CSMD1: variants seen among roughly 807,000 people sequenced by gnomAD.
CSMD1 encodes CUB and Sushi multiple domains 1.
CSMD1 carries 213 observed loss-of-function variants against 417.5 expected under a neutral mutation model. The ratio of observed to expected loss-of-function variants is 0.51; its 90% CI spans 0.46 to 0.57. The LOEUF (loss-of-function observed/expected upper bound fraction) is 0.57, where lower values mean the gene tolerates loss of function less well. Among genes scored for constraint, CSMD1 ranks in the 20% least tolerant of loss-of-function variants. The pLI, the probability that CSMD1 is intolerant of heterozygous loss-of-function variation, is 0.00. For synonymous variants in CSMD1, 2,862 were observed against 1,736.8 expected (o/e 1.65, Z -16.11); for missense variants, 6,923 against 4,529.7 (o/e 1.53, Z -15.17).
At chr8:3,509,367 A>G (rs1490740793) in intron 10 of CSMD1, among the ~76,000 whole-genome samples, 1 of 152,216 alleles carries the variant, frequency 6.6e-6, no homozygotes, top group African/African-American at 2.4e-5. Context: ...CAACTTTGTC[A>G]TAAGAAAAAA....
At chr8:3,079,304 A>G (rs936867537) in intron 49 of CSMD1, among the ~76,000 whole-genome samples, 1 of 152,190 alleles carries the variant, frequency 6.6e-6, no homozygotes. Flanking sequence ...AACCTATATA[A>G]AAGTGTGTGT....
At chr8:3,309,713 T>C (rs905992466) in intron 23 of CSMD1, among the ~76,000 whole-genome samples, 1 of 152,216 alleles carries the variant, frequency 6.6e-6, no homozygotes, top group African/African-American at 2.4e-5. Context: ...CAAAAAGAAA[T>C]TAAATTTTGA....
At chr8:4,708,727 C>A (rs550121268) in intron 1 of CSMD1, among the ~76,000 whole-genome samples, 2 of 151,874 alleles carry the variant, frequency 1.3e-5, no homozygotes, top group South Asian at 4.2e-4. Flanking sequence ...ATTGTGACCC[C>A]CTAAAGATTC....
chr8:3,676,492 G>C (rs975120896), intron 7 of CSMD1, among the ~76,000 whole-genome samples: 3 of 152,156 alleles, frequency 2.0e-5, no homozygotes, highest in African/African-American at 7.2e-5. Flanking sequence ...TTCATAAATT[G>C]CCTGAAAAAT....
At chr8:4,300,041 G>A (rs1230930186) in intron 3 of CSMD1, among the ~76,000 whole-genome samples, 1 of 152,200 alleles carries the variant, frequency 6.6e-6, no homozygotes, top group Non-Finnish European at 1.5e-5. Context: ...CACAAAGAGT[G>A]AGAGGAAGAA....
At chr8:3,656,671 T>C (rs1798126370) in intron 7 of CSMD1, among the ~76,000 whole-genome samples, 1 of 152,176 alleles carries the variant, frequency 6.6e-6, no homozygotes, top group South Asian at 2.1e-4. Context: ...CTCACGCCTG[T>C]AATCCCAGCA....
chr8:4,313,701 C>G (rs187325993), intron 3 of CSMD1, among the ~76,000 whole-genome samples: 85 of 152,102 alleles, frequency 5.6e-4, no homozygotes, highest in Non-Finnish European at 9.3e-4. Flanking sequence ...GACATTTACT[C>G]TAAGGTCATA....
At chr8:3,382,194 G>A (rs905416770) in intron 18 of CSMD1, among the ~76,000 whole-genome samples, 1 of 151,688 alleles carries the variant, frequency 6.6e-6, no homozygotes, top group Non-Finnish European at 1.5e-5. Flanking sequence ...GGGAGGCGGA[G>A]GTTTTAGTGA....
At chr8:3,695,123 G>A (rs983767028) in intron 7 of CSMD1, among the ~76,000 whole-genome samples, 1 of 66,070 alleles carries the variant, frequency 1.5e-5, no homozygotes, top group African/African-American at 4.8e-5. Flanking sequence ...TGTGGTTATT[G>A]AAGAAGTGTA....
chr8:4,525,196 C>T (rs1386095392), intron 2 of CSMD1, among the ~76,000 whole-genome samples: 1 of 152,122 alleles, frequency 6.6e-6, no homozygotes, highest in East Asian at 1.9e-4. Context: ...CCACAACCCC[C>T]ACCTACCAAC....
At chr8:4,314,435 T>A (rs776981858) in intron 3 of CSMD1, among the ~76,000 whole-genome samples, 1 of 152,178 alleles carries the variant, frequency 6.6e-6, no homozygotes. Context: ...GGAAGCAGTA[T>A]GGGGTGTTTT....
rs1342735893 is a variant in CSMD1 at position 4,015,094 on chromosome 8, G to T, written c.610+16811C>A. 3.3e-5 allele frequency among the ~76,000 whole-genome samples: 5 copies of T among 152,132 alleles called. No homozygotes were observed. In the East Asian group the frequency reaches 9.6e-4, roughly 29 times the overall value. ...ACTGGAATTGTTTATTGCAAAGTAT[G>T]CAAGAAAGGTGCTTAAAACCAAATT... On this transcript the variant is annotated intron_variant, in intron 4 of 69. Coordinates refer to ENST00000635120, the MANE Select transcript of CSMD1 (RefSeq NM_033225.6).
At chr8:3,893,936 C>T (rs1334518135) in intron 5 of CSMD1, among the ~76,000 whole-genome samples, 2 of 152,002 alleles carry the variant, frequency 1.3e-5, no homozygotes, top group East Asian at 1.9e-4. Flanking sequence ...AGTTACCGCA[C>T]GTGTGCACCC....
chr8:3,155,585 T>A (rs967835283), intron 39 of CSMD1, among the ~76,000 whole-genome samples: 1 of 151,800 alleles, frequency 6.6e-6, no homozygotes, highest in African/African-American at 2.4e-5. Context: ...GCCAGGATGG[T>A]CTCGATCTCC....
chr8:3,787,874 G>C (rs373260112), intron 5 of CSMD1, among the ~76,000 whole-genome samples: 7 of 152,320 alleles, frequency 4.6e-5, no homozygotes, highest in Admixed American at 1.3e-4. Flanking sequence ...AATAGTATAA[G>C]TATGAGAGAG....
intron 1 of CSMD1, among the ~76,000 whole-genome samples, chr8:4,765,090 C>T (rs554509932): frequency 6.6e-6 from 1 of 152,112 alleles, no homozygotes; most frequent in African/African-American, 2.4e-5. Context: ...GTATGCAACG[C>T]ATGGGCTCAT....
chr8:3,406,691 G>T (rs1037450095), intron 14 of CSMD1, among the ~76,000 whole-genome samples: 1 of 152,142 alleles, frequency 6.6e-6, no homozygotes, highest in Non-Finnish European at 1.5e-5. Flanking sequence ...AACACTAAAT[G>T]AAACAATTAT....
intron 1 of CSMD1, among the ~76,000 whole-genome samples, chr8:4,890,340 G>C (rs953875303): frequency 6.6e-6 from 1 of 152,128 alleles, no homozygotes; most frequent in African/African-American, 2.4e-5. Flanking sequence ...CTATGGATTA[G>C]AGTAGGAAGG....
chr8:3,051,834 C>T, intron 50 of CSMD1, among the ~76,000 whole-genome samples: 1 of 152,100 alleles, frequency 6.6e-6, no homozygotes, highest in East Asian at 1.9e-4. Context: ...TGGAACTATT[C>T]TTCTGGTGGG....
Sources: gnomAD v4.1 joint callset for allele counts (sites outside exome capture counted in the v4.1 genomes callset) on GRCh38, gnomAD v4.1.1 for gene constraint, MANE v1.5 for transcripts, NCBI Gene and HGNC (gene_info 2026-07-23, HGNC 2026-07-21) for gene names.